The following SPATA7 variants were observed in gnomAD, a reference collection of about 807,000 sequenced individuals.
SPATA7 encodes the protein spermatogenesis-associated protein 7.
In SPATA7, 43 loss-of-function variants were observed where a neutral mutation model predicts 51.8. The ratio of observed to expected loss-of-function variants is 0.83; its 90% CI spans 0.65 to 1.07. The LOEUF (loss-of-function observed/expected upper bound fraction) is 1.07, where lower values mean the gene tolerates loss of function less well. SPATA7 is among the 50% of genes least tolerant of loss of function. The pLI is 0.00. For missense variants in SPATA7, 683 were observed against 701.3 expected (o/e 0.97, Z 0.30); for synonymous variants, 230 against 252.8 (o/e 0.91, Z 0.86).
At chr14:88,400,236 C>G (rs998094330) in intron 4 of SPATA7, among the ~76,000 whole-genome samples, 24 of 151,880 alleles carry the variant, frequency 1.6e-4, no homozygotes, top group Admixed American at 1.3e-3. Context: ...AGTATTGAGT[C>G]AAAGAAGAAA....
chr14:88,415,230 G>T, intron 4 of SPATA7: 1 of 354,676 alleles, frequency 2.8e-6, no homozygotes, highest in Non-Finnish European at 5.9e-6. Context: ...TATGAATCTG[G>T]GTGCTCCAGT....
At chr14:88,452,588 T>G (rs1013308072) in intron 3 of SPATA7, among the ~76,000 whole-genome samples, 1 of 152,174 alleles carries the variant, frequency 6.6e-6, no homozygotes, top group African/African-American at 2.4e-5. Flanking sequence ...TTGGCTTTCC[T>G]GGTATATTCC....
chr14:88,412,411 T>C (rs1222471589), intron 4 of SPATA7, among the ~76,000 whole-genome samples: 1 of 152,062 alleles, frequency 6.6e-6, no homozygotes, highest in Non-Finnish European at 1.5e-5. Context: ...ACTGAAGAAT[T>C]TGGAGTCCGA....
intron 3 of SPATA7, among the ~76,000 whole-genome samples, chr14:88,445,395 T>C (rs2077204568): frequency 6.6e-6 from 1 of 152,080 alleles, no homozygotes; most frequent in African/African-American, 2.4e-5. Flanking sequence ...GCTGAGACAA[T>C]GGGGTTTTCT....
At chr14:88,465,158 A>AATGAT (rs1430382174) in intron 4 of SPATA7, among the ~76,000 whole-genome samples, 1 of 152,190 alleles carries the variant, frequency 6.6e-6, no homozygotes, top group Non-Finnish European at 1.5e-5. Flanking sequence ...AAGCATTCCA[A>AATGAT]ATGATATTCT....
At chr14:88,414,347 A>G (rs78328296) in intron 4 of SPATA7, among the ~76,000 whole-genome samples, 5,362 of 152,086 alleles carry the variant, frequency 0.035, 311 homozygotes, top group African/African-American at 0.12. Context: ...TCTATGCATA[A>G]AAGTCTTCTT....
chr14:88,452,104 A>T (rs1465743184), intron 3 of SPATA7, among the ~76,000 whole-genome samples: 1 of 152,204 alleles, frequency 6.6e-6, no homozygotes, highest in Non-Finnish European at 1.5e-5. Flanking sequence ...CTTTTGTCCC[A>T]CAGGATGCTC....
intron 4 of SPATA7, among the ~76,000 whole-genome samples, chr14:88,404,640 C>G (rs2076156325): frequency 6.6e-6 from 1 of 152,048 alleles, no homozygotes; most frequent in South Asian, 2.1e-4. Context: ...TCACTTGAAC[C>G]CGGGAGGGGG....
chr14:88,469,975 G>C lies in SPATA7; in HGVS notation c.*108G>C, dbSNP rs781261273. 6.2e-6 allele frequency: 10 copies of C among 1,613,798 alleles called. No homozygotes were observed. The East Asian group carries it at 2.0e-4, about 32-fold the overall frequency. The stretch of plus-strand genomic sequence containing the variant: ...GCAATTCCCTGTTCCCATACCATCT[G>C]CCAAAAATCTTGACAGGTATTCTGT... On this transcript the variant is annotated 3_prime_UTR_variant, in exon 5 of 5. Transcript: ENST00000556406. This position sits in a 1 kb window ranked among gnomAD's most constrained non-coding sequence, Gnocchi z 4.3.
chr14:88,416,648 CA>C, intron 4 of SPATA7, 62 bp from the exon 5 acceptor site: 4 of 1,527,970 alleles, frequency 2.6e-6, no homozygotes, highest in Non-Finnish European at 3.6e-6. Context: ...ATTACTCTAA[CA>C]AGACCAAAAA....
At position 88,469,270 on chromosome 14, in the gene SPATA7, CA is replaced by C. The variant is rs1448299894; in HGVS notation, c.255-573del. Among the ~76,000 whole-genome samples, 1 of 152,146 alleles carries C rather than the reference CA, an allele frequency of 6.6e-6. No homozygotes were observed. The highest frequency in any genetic ancestry group is 1.5e-5 in the Non-Finnish European group (1 of 68,030). Reference sequence around the variant, plus strand: ...CTACCTCTGTCCACTTTCTGATCTACAAAATGAAATGACGGAGATACTGAGT... The same window carrying C: ...CTACCTCTGTCCACTTTCTGATCTACAAATGAAATGACGGAGATACTGAGT... On this transcript the variant is annotated intron_variant, in intron 4 of 4. Coordinates refer to the SPATA7 transcript ENST00000556406. This position sits in a 1 kb window ranked among gnomAD's most constrained non-coding sequence, Gnocchi z 4.3.
chr14:88,433,308 A>G (rs1484233698), intron 10 of SPATA7, 96 bp downstream of exon 10: 3 of 833,396 alleles, frequency 3.6e-6, no homozygotes, highest in Non-Finnish European at 5.7e-6. Context: ...TTATTTTCCC[A>G]TATTAGGAAA....
chr14:88,437,483 GTTTATA>G lies in SPATA7; in HGVS notation c.1161-55_1161-50del. 6.4e-6 allele frequency: 8 copies of G among 1,241,156 alleles called. 1 individual carries two copies. The South Asian group carries it at 7.4e-5, about 12-fold the overall frequency. 76.9% of individuals were successfully genotyped at this position (1,241,156 alleles called of 1,614,324 possible). A position where few individuals can be genotyped will look rare whatever the true frequency, so the allele number is the denominator to read the frequency against. On this transcript the variant is annotated intron_variant, in intron 10 of 11. Coordinates refer to ENST00000393545, the MANE Select transcript of SPATA7 (RefSeq NM_018418.5). ...TTGTAGTTTCAGTGTTACGTAGCTA[GTTTATA>G]TTTAGATGATTTTCTGATTTTGAGA...
chr14:88,426,160 T>A, intron 5 of SPATA7, 72 bp from the exon 6 acceptor site: 1 of 1,065,914 alleles, frequency 9.4e-7, no homozygotes, highest in East Asian at 2.6e-5. Context: ...ATTTTTTTAA[T>A]GTATAATCTC....
At chr14:88,424,301 T>C (rs2076730685) in intron 5 of SPATA7, among the ~76,000 whole-genome samples, 1 of 152,188 alleles carries the variant, frequency 6.6e-6, no homozygotes, top group Non-Finnish European at 1.5e-5. Context: ...TATACTGTAG[T>C]CTACTGGTTT....
chr14:88,433,429 A>T (rs2076992229), intron 10 of SPATA7, among the ~76,000 whole-genome samples: 1 of 152,180 alleles, frequency 6.6e-6, no homozygotes, highest in Admixed American at 6.6e-5. Flanking sequence ...GAATTAAAGA[A>T]TAGAGCTTTT....
intron 3 of SPATA7, among the ~76,000 whole-genome samples, 165 bp from the exon 4 acceptor site, chr14:88,395,991 G>A (rs754959998): frequency 3.3e-5 from 5 of 152,030 alleles, no homozygotes; most frequent in Admixed American, 2.6e-4. Context: ...TATTGAATGA[G>A]TTATTAATCC....
Position 88,438,223 on chromosome 14 carries a change from G to A in SPATA7, c.1601G>A (p.Arg534Gln), listed in dbSNP as rs10139784. Residue 534 changes from arginine to glutamine, a missense_variant, in exon 12 of 12, where the codon CGG becomes CAG. Arg to Gln is a conservative substitution (Grantham distance 43). Coordinates refer to ENST00000393545, the MANE Select transcript of SPATA7 (RefSeq NM_018418.5). ...HPSISDSLTDRETSVNVIEGD... is the reference protein window; with the variant it reads ...HPSISDSLTDQETSVNVIEGD... ...AGTATTTCAGACAGTTTAACAGATCGGGAAACTTCTGTGAATGTCATTGAA... is the reference window on the plus strand; with the variant it reads ...AGTATTTCAGACAGTTTAACAGATCAGGAAACTTCTGTGAATGTCATTGAA... 12,820 of 1,613,904 alleles carry A rather than the reference G, an allele frequency of 7.9e-3. 695 individuals carry two copies. The African/African-American group carries it at 0.13, about 17-fold the overall frequency.
intron 5 of SPATA7, among the ~76,000 whole-genome samples, chr14:88,417,684 C>T (rs59605020): frequency 0.035 from 5,374 of 152,254 alleles, 313 homozygotes; most frequent in African/African-American, 0.12. Flanking sequence ...CTGTTGTAAA[C>T]AGAACTTAGT....
Sources: gnomAD v4.1 joint callset for allele counts (sites outside exome capture counted in the v4.1 genomes callset) on GRCh38, gnomAD v4.1.1 for gene constraint, Gnocchi (gnomAD v3.1) non-coding constraint, MANE v1.5 for transcripts, NCBI Gene and HGNC (gene_info 2026-07-23, HGNC 2026-07-21) for gene names.